The following ANGPT1 variants were observed in gnomAD, a reference collection of about 807,000 sequenced individuals.
ANGPT1 encodes the protein angiopoietin-1.
In ANGPT1, 17 loss-of-function variants were observed where a neutral mutation model predicts 62.2. The observed-to-expected ratio is 0.27, with a 90% CI of 0.19 to 0.41. The LOEUF (loss-of-function observed/expected upper bound fraction) is 0.41, where lower values mean the gene tolerates loss of function less well. Among genes scored for constraint, ANGPT1 ranks in the 10% least tolerant of loss-of-function variants. The probability of loss-of-function intolerance (pLI) is 1.00; values close to 1 mark genes in which losing one functional copy is unlikely to be tolerated. For synonymous variants in ANGPT1, 199 were observed against 198.9 expected (o/e 1.00, Z 0.00); for missense variants, 478 against 594.9 (o/e 0.80, Z 2.04).
intron 3 of ANGPT1, among the ~76,000 whole-genome samples, chr8:107,334,794 A>G (rs1008802642): frequency 6.6e-6 from 1 of 152,198 alleles, no homozygotes; most frequent in African/African-American, 2.4e-5. Context: ...GGTTACTGTG[A>G]AATTGCAGGA....
At position 107,322,314 on chromosome 8, in the gene ANGPT1, A is replaced by AT. The variant is rs56032682; in HGVS notation, c.576-187dup. Among the ~76,000 whole-genome samples the AT allele has an allele frequency of 0.16, 24,930 of 152,100 alleles. 2,671 individuals are homozygous for AT. Among genetic ancestry groups the AT allele is most frequent in the Admixed American group, 0.27 (4,060 of 15,264 alleles). ...AGGAGTTACACATATAACATGTCAA[A>AT]TAAAAAATAAGTAAACCAGATATTG... On this transcript the variant is annotated intron_variant, in intron 3 of 8. Coordinates refer to ENST00000517746, the MANE Select transcript of ANGPT1 (RefSeq NM_001146.5).
At chr8:107,403,189 T>G (rs1173508075) in intron 1 of ANGPT1, among the ~76,000 whole-genome samples, 1 of 152,122 alleles carries the variant, frequency 6.6e-6, no homozygotes. Flanking sequence ...TTCCTCATGG[T>G]CACAAGACAG....
chr8:107,435,678 G>T (rs1023385896), intron 1 of ANGPT1, among the ~76,000 whole-genome samples: 2 of 152,184 alleles, frequency 1.3e-5, no homozygotes, highest in Non-Finnish European at 2.9e-5. Context: ...GCTCAAGATT[G>T]TTTCTCATAT....
intron 1 of ANGPT1, among the ~76,000 whole-genome samples, chr8:107,415,972 C>T (rs1810729754): frequency 6.6e-6 from 1 of 151,990 alleles, no homozygotes; most frequent in South Asian, 2.1e-4. Context: ...GAGAAGTTTA[C>T]TTAATTTATA....
chr8:107,360,463 G>A (rs902088071), intron 1 of ANGPT1, among the ~76,000 whole-genome samples: 1 of 152,020 alleles, frequency 6.6e-6, no homozygotes, highest in African/African-American at 2.4e-5. Flanking sequence ...CTCTCTTTCC[G>A]CTTTATTCAG....
At chr8:107,303,137 C>CTATA (rs1306741435) in intron 5 of ANGPT1, 103 bp downstream of exon 5, 1 of 1,379,210 alleles carries the variant, frequency 7.3e-7, no homozygotes, top group East Asian at 2.3e-5. Flanking sequence ...TCAGGCATCT[C>CTATA]TATATATATT....
chr8:107,392,001 G>C (rs1317695206), intron 1 of ANGPT1, among the ~76,000 whole-genome samples: 1 of 152,098 alleles, frequency 6.6e-6, no homozygotes, highest in Non-Finnish European at 1.5e-5. Context: ...ATGTTGTTAT[G>C]TGGTGCATGA....
At chr8:107,363,967 GCTGA>G (rs1228097757) in intron 1 of ANGPT1, among the ~76,000 whole-genome samples, 4 of 152,034 alleles carry the variant, frequency 2.6e-5, no homozygotes, top group Non-Finnish European at 1.5e-5. Flanking sequence ...ACTGACACTT[GCTGA>G]CTGACTAATA....
intron 7 of ANGPT1, among the ~76,000 whole-genome samples, chr8:107,272,064 T>TTTTACCA (rs1361287462): frequency 2.0e-5 from 3 of 152,010 alleles, no homozygotes; most frequent in African/African-American, 7.2e-5. Flanking sequence ...ATCACCAGAA[T>TTTTACCA]TTGTGCATAA....
intron 4 of ANGPT1, among the ~76,000 whole-genome samples, chr8:107,315,637 G>A (rs72672522): frequency 0.15 from 22,428 of 150,784 alleles, 2,091 homozygotes; most frequent in Non-Finnish European, 0.19. Flanking sequence ...TTTTTCTTTC[G>A]GTCTCTTTTT....
chr8:107,307,418 T>C lies in ANGPT1; in HGVS notation c.809-4051A>G, dbSNP rs1379860370. ...TTCCTACGACATTTCCTGTAGAGTG[T>C]ATTGCAAATCTTTCTACTGTTTTAA... On this transcript the variant is annotated intron_variant, in intron 4 of 8. Coordinates refer to ENST00000517746, the MANE Select transcript of ANGPT1 (RefSeq NM_001146.5). 2.6e-5 allele frequency among the ~76,000 whole-genome samples: 4 copies of C among 152,152 alleles called. No homozygotes were observed. The South Asian group carries it at 8.3e-4, about 32-fold the overall frequency.
At chr8:107,362,015 A>G (rs1460409418) in intron 1 of ANGPT1, among the ~76,000 whole-genome samples, 11 of 152,212 alleles carry the variant, frequency 7.2e-5, no homozygotes, top group Non-Finnish European at 1.5e-4. Context: ...AGATCGCGCC[A>G]CTGCACTCTG....
rs1401373796 is a variant in ANGPT1, at chr8:107,250,656, GAT to G, written c.*1197_*1198del. On this transcript the variant is annotated 3_prime_UTR_variant, in exon 9 of 9. Coordinates refer to ENST00000517746, the MANE Select transcript of ANGPT1 (RefSeq NM_001146.5). ...TTAATTAGCTATTAGGTTTTTTGCA[GAT>G]ATAAACATGCTATGTACAATGATAT... 6.6e-6 allele frequency: 1 copy of G among 151,956 alleles called. No individual in the cohort carries two copies. The highest frequency in any genetic ancestry group is 2.4e-5 in the African/African-American group (1 of 41,406). 9.4% of individuals were successfully genotyped at this position (151,956 alleles called of 1,614,324 possible). A position where few individuals can be genotyped will look rare whatever the true frequency, so the allele number is the denominator to read the frequency against.
At chr8:107,331,507 C>T (rs1586230777) in intron 3 of ANGPT1, among the ~76,000 whole-genome samples, 1 of 152,068 alleles carries the variant, frequency 6.6e-6, no homozygotes, top group Non-Finnish European at 1.5e-5. Flanking sequence ...CATCACATTG[C>T]AAAAATATTT....
At chr8:107,313,501 G>A (rs758609763) in intron 4 of ANGPT1, among the ~76,000 whole-genome samples, 4 of 136,314 alleles carry the variant, frequency 2.9e-5, no homozygotes, top group Non-Finnish European at 6.1e-5. Flanking sequence ...GTGCAGCGGC[G>A]CAATCTCAAC....
chr8:107,478,258 A>G (rs976676025), intron 1 of ANGPT1, among the ~76,000 whole-genome samples: 18 of 151,636 alleles, frequency 1.2e-4, no homozygotes, highest in African/African-American at 4.4e-4. Flanking sequence ...TTCAAAAAAA[A>G]AAAAAATCTG....
intron 1 of ANGPT1, among the ~76,000 whole-genome samples, chr8:107,387,018 A>T (rs968381321): frequency 6.6e-6 from 1 of 152,156 alleles, no homozygotes; most frequent in African/African-American, 2.4e-5. Context: ...AAAATAAATG[A>T]TATTCCTTTA....
At chr8:107,403,161 T>G (rs1422520593) in intron 1 of ANGPT1, among the ~76,000 whole-genome samples, 1 of 152,146 alleles carries the variant, frequency 6.6e-6, no homozygotes, top group Non-Finnish European at 1.5e-5. Flanking sequence ...ATTGACATAG[T>G]TTTTTTCTTA....
At chr8:107,405,475 G>A (rs1298598654) in intron 1 of ANGPT1, among the ~76,000 whole-genome samples, 19 of 151,892 alleles carry the variant, frequency 1.3e-4, no homozygotes, top group Admixed American at 1.2e-3. Flanking sequence ...CTGACCTCAT[G>A]TGACAAATCA....
Sources: gnomAD v4.1 joint callset for allele counts (sites outside exome capture counted in the v4.1 genomes callset) on GRCh38, gnomAD v4.1.1 for gene constraint, MANE v1.5 for transcripts, NCBI Gene and HGNC (gene_info 2026-07-23, HGNC 2026-07-21) for gene names.